Variants in NAV3 observed in about 807,000 individuals in gnomAD.
NAV3 encodes the protein pore membrane and/or filament interacting like protein 1.
In NAV3, 87 loss-of-function variants were observed where a neutral mutation model predicts 244.7. The ratio of observed to expected loss-of-function variants is 0.36; its 90% CI spans 0.30 to 0.42. The LOEUF is 0.42. NAV3 is among the 20% of genes least tolerant of loss of function. The pLI is 1.00. For missense variants in NAV3, 2,663 were observed against 2,893.3 expected (o/e 0.92, Z 1.83); for synonymous variants, 1,126 against 1,042.2 (o/e 1.08, Z -1.55).
Position 77,994,865 on chromosome 12 carries a change from C to T in NAV3, c.734C>T (p.Pro245Leu). The change falls in exon 6 of 40, where the codon CCT (proline) becomes CTT (leucine). Residue 245 changes from proline (P) to leucine (L), a missense_variant. Physicochemically the swap from Pro to Leu is moderately conservative, Grantham distance 98 (BLOSUM62 -3). Transcript: ENST00000397909. ...HSGIATSQKK[P>L]TRLPGPSRVP... ...GGAATTGCAACCAGTCAAAAAAAGC[C>T]TACTAGGTCAGTTAATATTCTCTAA... is the stretch of plus-strand genomic sequence containing the variant. 1 of 1,604,966 alleles carries T rather than the reference C, an allele frequency of 6.2e-7. No homozygotes were observed. Among genetic ancestry groups the T allele is most frequent in the Non-Finnish European group, 8.5e-7 (1 of 1,174,248 alleles).
chr12:78,017,592 T>C (rs1265041645), intron 8 of NAV3, among the ~76,000 whole-genome samples: 1 of 152,194 alleles, frequency 6.6e-6, no homozygotes, highest in African/African-American at 2.4e-5. Flanking sequence ...AATATTATGA[T>C]ACATATTTTT....
chr12:78,003,287 T>C (rs1873642467), intron 7 of NAV3, among the ~76,000 whole-genome samples: 1 of 152,104 alleles, frequency 6.6e-6, no homozygotes, highest in Admixed American at 6.6e-5. Flanking sequence ...TGTTGTGGAA[T>C]TAAAGTCCTA....
chr12:77,649,279 A>G (rs1872725677), intron 2 of NAV3, among the ~76,000 whole-genome samples: 1 of 152,072 alleles, frequency 6.6e-6, no homozygotes, highest in Admixed American at 6.6e-5. Context: ...TGGTCATTTG[A>G]TCTGCGGCTG....
chr12:77,799,708 G>A lies in NAV3; in HGVS notation c.73-140611G>A, dbSNP rs149710302. Among the ~76,000 whole-genome samples the A allele has an allele frequency of 7.2e-5, 11 of 152,170 alleles. No individual in the cohort carries two copies. The East Asian group carries it at 9.7e-4, about 13-fold the overall frequency. On this transcript the variant is annotated intron_variant, in intron 2 of 8. Coordinates refer to the NAV3 transcript ENST00000550042. ...AGAGGCAAATGAACTTCCCTGGGTT[G>A]TGTACAAGCAGATGGTGGTGATAGT...
intron 2 of NAV3, among the ~76,000 whole-genome samples, chr12:77,713,555 A>G (rs1040383010): frequency 3.3e-5 from 5 of 152,168 alleles, no homozygotes; most frequent in African/African-American, 1.2e-4. Context: ...TGAGATCTGT[A>G]GAATATATGA....
chr12:77,740,998 G>A (rs1159436642), intron 2 of NAV3, among the ~76,000 whole-genome samples: 1 of 151,858 alleles, frequency 6.6e-6, no homozygotes, highest in Non-Finnish European at 1.5e-5. Context: ...AAGGATTCCT[G>A]CTTGGGATAA....
At chr12:78,069,124 G>A (rs905464764) in intron 12 of NAV3, among the ~76,000 whole-genome samples, 2 of 151,832 alleles carry the variant, frequency 1.3e-5, no homozygotes, top group African/African-American at 4.8e-5. Flanking sequence ...TTTATTAGAG[G>A]CATATGGGTT....
intron 1 of NAV3, among the ~76,000 whole-genome samples, chr12:77,838,501 G>T (rs1354377514): frequency 1.3e-5 from 2 of 152,012 alleles, no homozygotes; most frequent in Non-Finnish European, 2.9e-5. Flanking sequence ...TAATTTTTTT[G>T]AAAGTTTCAG....
intron 15 of NAV3, 91 bp downstream of exon 15, chr12:78,120,036 T>A: frequency 1.1e-6 from 1 of 897,712 alleles, no homozygotes; most frequent in Non-Finnish European, 1.6e-6. Context: ...ATATATATAT[T>A]TTAAATATGT....
intron 1 of NAV3, among the ~76,000 whole-genome samples, chr12:77,846,764 T>C (rs1876707458): frequency 6.6e-6 from 1 of 152,202 alleles, no homozygotes. Flanking sequence ...CAGGAATTTT[T>C]CAAATTAGAA....
At chr12:78,149,633 G>C (rs1372285836) in intron 22 of NAV3, among the ~76,000 whole-genome samples, 1 of 152,058 alleles carries the variant, frequency 6.6e-6, no homozygotes, top group Non-Finnish European at 1.5e-5. Flanking sequence ...CAGCAGTGAG[G>C]GGTAAGGAAA....
At chr12:77,938,027 G>A (rs1274864877) in intron 1 of NAV3, among the ~76,000 whole-genome samples, 3 of 152,118 alleles carry the variant, frequency 2.0e-5, no homozygotes, top group Non-Finnish European at 4.4e-5. Flanking sequence ...GGTTCCACTG[G>A]TAGTAAGTGG....
At chr12:77,768,463 G>T (rs1026996290) in intron 2 of NAV3, among the ~76,000 whole-genome samples, 1 of 152,192 alleles carries the variant, frequency 6.6e-6, no homozygotes, top group African/African-American at 2.4e-5. Flanking sequence ...TCCCTTCTGT[G>T]CTTAGCATCA....
At chr12:77,629,164 TG>T (rs985973325) in intron 2 of NAV3, among the ~76,000 whole-genome samples, 1 of 152,144 alleles carries the variant, frequency 6.6e-6, no homozygotes, top group Non-Finnish European at 1.5e-5. Flanking sequence ...TTGTAAAAAA[TG>T]AGAGTTGATT....
intron 1 of NAV3, among the ~76,000 whole-genome samples, chr12:77,897,475 C>T (rs1448358299): frequency 2.0e-5 from 3 of 152,130 alleles, no homozygotes; most frequent in East Asian, 3.9e-4. Context: ...TTTGATATTT[C>T]CTATATCCAT....
intron 2 of NAV3, among the ~76,000 whole-genome samples, chr12:77,578,006 A>G (rs1869172994): frequency 6.6e-6 from 1 of 152,178 alleles, no homozygotes; most frequent in Admixed American, 6.5e-5. Flanking sequence ...ATTGTCTCCA[A>G]AATTGATTCT....
intron 1 of NAV3, among the ~76,000 whole-genome samples, chr12:77,873,744 G>GTGTGTGTGTATATATATATATATATA (rs776225440): frequency 4.1e-5 from 3 of 73,182 alleles, no homozygotes; most frequent in South Asian, 6.5e-4. Flanking sequence ...ATGTGTGTGT[G>GTGTGTGTGTATATATATATATATATA]TATATATATA....
intron 23 of NAV3, among the ~76,000 whole-genome samples, chr12:78,160,396 T>TGTGC (rs1555184762): frequency 1.2e-5 from 1 of 85,982 alleles, no homozygotes; most frequent in Non-Finnish European, 2.3e-5. Flanking sequence ...TGTGTGTGTG[T>TGTGC]GTGCGTGCGT....
intron 2 of NAV3, among the ~76,000 whole-genome samples, chr12:77,766,735 G>GTTTGTTTTT (rs1555202961): frequency 0.013 from 757 of 60,500 alleles, 203 homozygotes; most frequent in East Asian, 0.018. Context: ...AGGCAATTAA[G>GTTTGTTTTT]TTTTTTTTTT....
Sources: gnomAD v4.1 joint callset for allele counts (sites outside exome capture counted in the v4.1 genomes callset) on GRCh38, gnomAD v4.1.1 for gene constraint, MANE v1.5 for transcripts, NCBI Gene and HGNC (gene_info 2026-07-23, HGNC 2026-07-21) for gene names.